Variants in CARMIL1 observed in about 807,000 individuals in gnomAD.
The protein encoded by CARMIL1 is F-actin-uncapping protein LRRC16A.
A neutral mutation model predicts 177.1 loss-of-function variants in CARMIL1; 90 were observed. The observed-to-expected ratio is 0.51, with a 90% CI of 0.43 to 0.61. The LOEUF (loss-of-function observed/expected upper bound fraction) is 0.61, where lower values mean the gene tolerates loss of function less well. Ranked by LOEUF, CARMIL1 falls within the 20% of genes least tolerant of loss-of-function variation. CARMIL1 has a pLI of 0.00. For missense variants in CARMIL1, 1,380 were observed against 1,667.0 expected, an observed-to-expected ratio of 0.83 and a Z score of 3.00; for synonymous variants, 577 against 606.2, an observed-to-expected ratio of 0.95 and a Z score of 0.71.
At chr6:25,439,859 A>G (rs1279405748) in intron 5 of CARMIL1, among the ~76,000 whole-genome samples, 1 of 152,222 alleles carries the variant, frequency 6.6e-6, no homozygotes, top group Non-Finnish European at 1.5e-5. Flanking sequence ...ATAAAAGCAT[A>G]TGCTTAAACC....
intron 25 of CARMIL1, among the ~76,000 whole-genome samples, chr6:25,539,159 A>C (rs1808635286): frequency 6.6e-6 from 1 of 152,086 alleles, no homozygotes; most frequent in Non-Finnish European, 1.5e-5. Context: ...ATGGAACCTG[A>C]AAAAGGATTT....
chr6:25,572,331 A>G (rs924851123), intron 29 of CARMIL1, among the ~76,000 whole-genome samples: 3 of 152,198 alleles, frequency 2.0e-5, no homozygotes, highest in African/African-American at 7.2e-5. Context: ...CTAAATTTGA[A>G]TATGTTCAAA....
At chr6:25,338,868 C>A (rs1478308681) in intron 2 of CARMIL1, among the ~76,000 whole-genome samples, 23 of 152,124 alleles carry the variant, frequency 1.5e-4, no homozygotes, top group Non-Finnish European at 4.4e-5. Context: ...AAAGAACCAG[C>A]ACATAAGTTT....
chr6:25,335,736 G>A (rs1786143746), intron 2 of CARMIL1, among the ~76,000 whole-genome samples: 1 of 152,346 alleles, frequency 6.6e-6, no homozygotes, highest in Admixed American at 6.5e-5. Flanking sequence ...TGCTCACTGT[G>A]GGGCGGCAGG....
chr6:25,525,526 T>C (rs1415971552), intron 23 of CARMIL1, among the ~76,000 whole-genome samples: 1 of 152,144 alleles, frequency 6.6e-6, no homozygotes, highest in Non-Finnish European at 1.5e-5. Flanking sequence ...AGATTACAAA[T>C]TGGATCTGCA....
chr6:25,360,403 A>G (rs1026288903), intron 2 of CARMIL1, among the ~76,000 whole-genome samples: 8 of 152,228 alleles, frequency 5.3e-5, no homozygotes, highest in African/African-American at 1.4e-4. Flanking sequence ...GAAAACTTTC[A>G]TAGACAGTTA....
At chr6:25,459,277 T>TCTTTC (rs1450322009) in intron 8 of CARMIL1, among the ~76,000 whole-genome samples, 1 of 139,684 alleles carries the variant, frequency 7.2e-6, no homozygotes, top group Non-Finnish European at 1.6e-5. Context: ...TTTTTTTTTT[T>TCTTTC]TTTAAGACAG....
chr6:25,589,843 T>C (rs893902234), intron 31 of CARMIL1, among the ~76,000 whole-genome samples: 6 of 152,188 alleles, frequency 3.9e-5, no homozygotes, highest in Admixed American at 3.3e-4. Flanking sequence ...ACAGGTTGCA[T>C]TCACCTTTAA....
intron 2 of CARMIL1, among the ~76,000 whole-genome samples, chr6:25,313,630 C>T (rs1310161806): frequency 1.4e-5 from 2 of 147,002 alleles, no homozygotes; most frequent in African/African-American, 5.2e-5. Context: ...GGACAGAGAC[C>T]TTGTATACAT....
chr6:25,293,330 G>A (rs1782135232), intron 2 of CARMIL1, among the ~76,000 whole-genome samples: 1 of 148,574 alleles, frequency 6.7e-6, no homozygotes. Context: ...AGTAGTGGCA[G>A]TAGGTAAAAG....
chr6:25,620,229 A>G lies in CARMIL1; in HGVS notation c.*646A>G, dbSNP rs905760873. 1.4e-4 allele frequency: 21 copies of G among 152,438 alleles called. No homozygotes were observed. The highest frequency in any genetic ancestry group is 3.1e-4 in the African/African-American group (13 of 41,440). The allele number at this position is 152,438 out of a possible 1,614,324, so 9.4% of individuals were successfully genotyped here. A position where few individuals can be genotyped will look rare whatever the true frequency, so the allele number is the denominator to read the frequency against. On this transcript the variant is annotated 3_prime_UTR_variant, in exon 37 of 37. Transcript: ENST00000329474. Reference sequence around the variant, plus strand: ...GCTTGGTCGGTGACCTTTGCATACCATCAACGAGCACAGCTAAGAACAGAG... The same window carrying G: ...GCTTGGTCGGTGACCTTTGCATACCGTCAACGAGCACAGCTAAGAACAGAG...
intron 36 of CARMIL1, among the ~76,000 whole-genome samples, chr6:25,613,710 G>C (rs1174020311): frequency 6.6e-6 from 1 of 152,172 alleles, no homozygotes; most frequent in Non-Finnish European, 1.5e-5. Flanking sequence ...TCAAAAATCC[G>C]TTAAAGGAAA....
In CARMIL1 at chr6:25,554,246, C is replaced by T; in HGVS notation, c.2592+150C>T. The T allele has an allele frequency of 3.2e-6, 2 of 631,130 alleles. No individual in the cohort carries two copies. Among genetic ancestry groups the T allele is most frequent in the Non-Finnish European group, 5.6e-6 (2 of 355,410 alleles). 39.1% of individuals were successfully genotyped at this position (631,130 alleles called of 1,614,324 possible). ...GATCTTGGTTTTCCTCCTTTCTCTTCTATGTTGCTTCTAGCCATTCTGGAG... is the reference window on the plus strand; with the variant it reads ...GATCTTGGTTTTCCTCCTTTCTCTTTTATGTTGCTTCTAGCCATTCTGGAG... On this transcript the variant is annotated intron_variant, in intron 28 of 36. Coordinates refer to ENST00000329474, the MANE Select transcript of CARMIL1 (RefSeq NM_017640.6). This position sits in a 1 kb window ranked among gnomAD's most constrained non-coding sequence, Gnocchi z 4.6.
intron 31 of CARMIL1, among the ~76,000 whole-genome samples, chr6:25,590,307 A>T (rs1039013844): frequency 6.6e-6 from 1 of 152,208 alleles, no homozygotes; most frequent in Non-Finnish European, 1.5e-5. Context: ...GAATTTCAAC[A>T]TACTTTTTCT....
intron 8 of CARMIL1, among the ~76,000 whole-genome samples, chr6:25,459,260 T>TTC (rs1491421615): frequency 1.6e-5 from 2 of 125,260 alleles, no homozygotes; most frequent in African/African-American, 5.8e-5. Context: ...CTTTCTTTCT[T>TTC]TCTTTCTTTT....
intron 2 of CARMIL1, among the ~76,000 whole-genome samples, chr6:25,305,018 G>A (rs1440821876): frequency 6.6e-6 from 1 of 152,170 alleles, no homozygotes; most frequent in East Asian, 1.9e-4. Context: ...AGTTCCAGTA[G>A]AGATATGTGA....
intron 26 of CARMIL1, 56 bp from the exon 27 acceptor site, chr6:25,550,854 C>A: frequency 6.8e-7 from 1 of 1,464,936 alleles, no homozygotes; most frequent in South Asian, 1.3e-5. Context: ...AGTTTTATGG[C>A]GGGCACCTCG....
chr6:25,456,435 G>C (rs1190411153), intron 8 of CARMIL1, among the ~76,000 whole-genome samples: 1 of 152,110 alleles, frequency 6.6e-6, no homozygotes, highest in Non-Finnish European at 1.5e-5. Context: ...ACAGTAATTA[G>C]GAAGTACTTG....
chr6:25,394,821 T>A (rs746859168), intron 2 of CARMIL1, among the ~76,000 whole-genome samples: 7 of 152,246 alleles, frequency 4.6e-5, no homozygotes, highest in Non-Finnish European at 1.0e-4. Context: ...GATTAATTAT[T>A]CCAGCAAATG....
Sources: allele counts gnomAD v4.1 joint callset (sites outside exome capture counted in the v4.1 genomes callset), GRCh38; gene constraint gnomAD v4.1.1; non-coding constraint Gnocchi (gnomAD v3.1); transcripts MANE v1.5; gene names NCBI Gene and HGNC (gene_info 2026-07-23, HGNC 2026-07-21).